TMEM267: variants seen among roughly 807,000 people sequenced by gnomAD.
The protein encoded by TMEM267 is transmembrane protein C5orf28.
TMEM267 carries 20 observed loss-of-function variants against 19.3 expected under a neutral mutation model. That is an observed-to-expected ratio of 1.04 (90% CI 0.73 to 1.51). The LOEUF (loss-of-function observed/expected upper bound fraction) is 1.51, where lower values mean the gene tolerates loss of function less well. Ranked by LOEUF, TMEM267 falls within the 40% of genes most tolerant of loss-of-function variation. The probability of loss-of-function intolerance (pLI) is 0.00; values close to 1 mark genes in which losing one functional copy is unlikely to be tolerated. For missense variants in TMEM267, 242 were observed against 261.9 expected (o/e 0.92, Z 0.52); for synonymous variants, 88 against 90.3 (o/e 0.97, Z 0.15).
chr5:43,463,475 A>T (rs936274712), intron 1 of TMEM267, among the ~76,000 whole-genome samples: 1 of 152,190 alleles, frequency 6.6e-6, no homozygotes, highest in Non-Finnish European at 1.5e-5. Context: ...AGCCTGGCAG[A>T]GACACAACCA....
chr5:43,469,205 A>T (rs1250279244), intron 1 of TMEM267, among the ~76,000 whole-genome samples: 1 of 152,128 alleles, frequency 6.6e-6, no homozygotes, highest in African/African-American at 2.4e-5. Context: ...GAAAAGAAAT[A>T]ATAAAGATCA....
chr5:43,452,340 C>T (rs1374682728), intron 2 of TMEM267, among the ~76,000 whole-genome samples: 1 of 151,894 alleles, frequency 6.6e-6, no homozygotes, highest in African/African-American at 2.4e-5. Context: ...TGAAATGATG[C>T]AGAAACAGAA....
chr5:43,457,254 G>C (rs547079941), intron 1 of TMEM267, among the ~76,000 whole-genome samples: 2 of 152,120 alleles, frequency 1.3e-5, no homozygotes, highest in South Asian at 2.1e-4. Flanking sequence ...TTAATAATGG[G>C]GAAAATGTAT....
At chr5:43,470,813 G>A (rs555055945) in intron 1 of TMEM267, among the ~76,000 whole-genome samples, 11 of 152,076 alleles carry the variant, frequency 7.2e-5, no homozygotes, top group African/African-American at 2.7e-4. Flanking sequence ...CCTTGTTTGC[G>A]GATGATATGA....
chr5:43,479,393 C>A (rs929004216), intron 1 of TMEM267, among the ~76,000 whole-genome samples: 2 of 151,398 alleles, frequency 1.3e-5, no homozygotes, highest in African/African-American at 4.9e-5. Flanking sequence ...ACTGTTATGA[C>A]CATAAAACCA....
chr5:43,472,143 C>G (rs1744118650), intron 1 of TMEM267, among the ~76,000 whole-genome samples: 1 of 152,120 alleles, frequency 6.6e-6, no homozygotes, highest in South Asian at 2.1e-4. Context: ...TTTGAATAGA[C>G]ATTTCTCAAA....
rs1210574409 is a variant in TMEM267, at chr5:43,483,805, G to A, written c.-75+17C>T. ...CCCCCTCCCCTCAGTCCCACGCAGC[G>A]GCTCAGCCATACCCACCCCGGCTTC... On this transcript the variant is annotated intron_variant, in intron 1 of 2. Transcript: ENST00000397080. 4 of 152,416 alleles carry A rather than the reference G, an allele frequency of 2.6e-5. No homozygotes were observed. The highest frequency in any genetic ancestry group is 4.4e-5 in the Non-Finnish European group (3 of 68,284). The allele number at this position is 152,416 out of a possible 1,614,324, so 9.4% of individuals were successfully genotyped here.
chr5:43,461,928 G>T (rs930297957), intron 1 of TMEM267, among the ~76,000 whole-genome samples: 4 of 152,136 alleles, frequency 2.6e-5, no homozygotes, highest in Admixed American at 2.6e-4. Flanking sequence ...AGAGTCCCAG[G>T]GCCTACAGCA....
chr5:43,483,453 G>C (rs1744920418), intron 1 of TMEM267, among the ~76,000 whole-genome samples: 1 of 152,228 alleles, frequency 6.6e-6, no homozygotes, highest in East Asian at 1.9e-4. Context: ...GGTTAAGGAC[G>C]GCAATGGGCT....
In TMEM267 at chr5:43,445,653, T is replaced by G. The variant is rs754082637; in HGVS notation, c.*569A>C. On this transcript the variant is annotated 3_prime_UTR_variant, in exon 3 of 3. Transcript: ENST00000397080. ...TGTGTCACAAGTGCTCTGAAGGTTT[T>G]GCCAGTAATCATAACTCATAAAGCA... 5.9e-5 allele frequency: 9 copies of G among 152,218 alleles called. No homozygotes were observed. The highest frequency in any genetic ancestry group is 1.0e-4 in the Non-Finnish European group (7 of 68,030). 9.4% of individuals were successfully genotyped at this position (152,218 alleles called of 1,614,324 possible).
intron 1 of TMEM267, among the ~76,000 whole-genome samples, chr5:43,483,066 C>G (rs941556169): frequency 3.3e-5 from 5 of 152,196 alleles, no homozygotes; most frequent in African/African-American, 1.2e-4. Context: ...GTCTTCTTCA[C>G]TGAACTGTAG....
intron 1 of TMEM267, among the ~76,000 whole-genome samples, chr5:43,481,421 A>C (rs1229393755): frequency 6.6e-6 from 1 of 152,060 alleles, no homozygotes; most frequent in African/African-American, 2.4e-5. Context: ...TACATTTTAC[A>C]TGATGAGTTC....
chr5:43,478,159 C>A (rs1211302381), intron 1 of TMEM267, among the ~76,000 whole-genome samples: 1 of 152,152 alleles, frequency 6.6e-6, no homozygotes, highest in Non-Finnish European at 1.5e-5. Flanking sequence ...GTAGAAAAGG[C>A]TATAATTACT....
intron 1 of TMEM267, among the ~76,000 whole-genome samples, chr5:43,474,302 G>A (rs1579827300): frequency 6.6e-6 from 1 of 152,110 alleles, no homozygotes; most frequent in South Asian, 2.1e-4. Context: ...CAAAAGAAAC[G>A]ATCATCAGAG....
At chr5:43,456,691 T>G (rs1414744372) in intron 1 of TMEM267, among the ~76,000 whole-genome samples, 1 of 152,146 alleles carries the variant, frequency 6.6e-6, no homozygotes, top group African/African-American at 2.4e-5. Context: ...AATGCAAATT[T>G]TAAAAATTAG....
chr5:43,464,707 A>G (rs1743523362), intron 1 of TMEM267, among the ~76,000 whole-genome samples: 1 of 152,278 alleles, frequency 6.6e-6, no homozygotes, highest in Non-Finnish European at 1.5e-5. Context: ...AAATGGGGGA[A>G]GGATTCCCTA....
intron 2 of TMEM267, among the ~76,000 whole-genome samples, chr5:43,453,445 A>G (rs1182173137): frequency 6.6e-6 from 1 of 152,238 alleles, no homozygotes; most frequent in Non-Finnish European, 1.5e-5. Flanking sequence ...TCTTTGCTCT[A>G]TGTGAATCCA....
At position 43,444,612 on chromosome 5, in the gene TMEM267, A is replaced by T. The variant is rs1742141350; in HGVS notation, c.*1610T>A. ...TCTTAAATAAGGCCCTATATTTTTA[A>T]TAATATTTATTTGTTTAATATGAAG... On this transcript the variant is annotated 3_prime_UTR_variant, in exon 3 of 3. Transcript: ENST00000397080. The T allele has an allele frequency of 6.6e-6, 1 of 152,124 alleles. No homozygotes were observed. Among genetic ancestry groups the T allele is most frequent in the Non-Finnish European group, 1.5e-5 (1 of 68,014 alleles). The allele number at this position is 152,124 out of a possible 1,614,324, so 9.4% of individuals were successfully genotyped here.
rs1175355175 is a variant in TMEM267, at chr5:43,474,759, CAAAAAAA to C, written c.-75+9056_-75+9062del. ...GGGCAACAAGAGCAAAACTCTGTCT[CAAAAAAA>C]AAAAAAAAAAAAATGAAAAAAGGCT... On this transcript the variant is annotated intron_variant, in intron 1 of 2. Coordinates refer to ENST00000397080, the MANE Select transcript of TMEM267 (RefSeq NM_022483.5). Among the ~76,000 whole-genome samples the C allele has an allele frequency of 5.9e-4, 34 of 57,466 alleles. No individual in the cohort carries two copies. The South Asian group carries it at 0.013, about 22-fold the overall frequency. 37.7% of individuals were successfully genotyped at this position (57,466 alleles called of 152,430 possible).
Sources: gnomAD v4.1 joint callset for allele counts (sites outside exome capture counted in the v4.1 genomes callset) on GRCh38, gnomAD v4.1.1 for gene constraint, MANE v1.5 for transcripts, NCBI Gene and HGNC (gene_info 2026-07-23, HGNC 2026-07-21) for gene names.